The following THSD7B variants were observed in gnomAD, a reference collection of about 807,000 sequenced individuals.
THSD7B encodes the protein thrombospondin type-1 domain-containing protein 7B.
A neutral mutation model predicts 213.6 loss-of-function variants in THSD7B; 138 were observed. That is an observed-to-expected ratio of 0.65 (90% CI 0.56 to 0.74). The LOEUF (loss-of-function observed/expected upper bound fraction) is 0.74. Among genes scored for constraint, THSD7B ranks in the 30% least tolerant of loss-of-function variants. The pLI is 0.00. For synonymous variants in THSD7B, 742 were observed against 687.0 expected, an observed-to-expected ratio of 1.08 and a Z score of -1.25; for missense variants, 1,931 against 1,991.5, an observed-to-expected ratio of 0.97 and a Z score of 0.58.
At chr2:137,030,971 T>G (rs1437937605) in intron 2 of THSD7B, among the ~76,000 whole-genome samples, 1 of 152,250 alleles carries the variant, frequency 6.6e-6, no homozygotes, top group Admixed American at 6.5e-5. Context: ...CACTAGGTTG[T>G]AGTTCTTGTC....
At chr2:136,932,867 A>G (rs2105049854) in intron 2 of THSD7B, among the ~76,000 whole-genome samples, 1 of 152,266 alleles carries the variant, frequency 6.6e-6, no homozygotes, top group African/African-American at 2.4e-5. Context: ...GTAAGGAAGG[A>G]TGAAAGGGGC....
chr2:136,933,754 TAA>T (rs1482134458), intron 2 of THSD7B, among the ~76,000 whole-genome samples: 2 of 152,194 alleles, frequency 1.3e-5, no homozygotes, highest in African/African-American at 4.8e-5. Flanking sequence ...TCACAGATGT[TAA>T]GTCTACTATA....
chr2:136,786,851 T>A (rs1166543660), intron 1 of THSD7B, among the ~76,000 whole-genome samples: 3 of 152,216 alleles, frequency 2.0e-5, no homozygotes, highest in Non-Finnish European at 4.4e-5. Context: ...TAGCACCATT[T>A]AAAATACAGA....
At chr2:136,928,975 C>A (rs1282938980) in intron 2 of THSD7B, among the ~76,000 whole-genome samples, 1 of 151,866 alleles carries the variant, frequency 6.6e-6, no homozygotes, top group African/African-American at 2.4e-5. Context: ...ACTAGAGAAA[C>A]AGAAATGAAA....
At chr2:136,897,212 T>C (rs1683975265) in intron 2 of THSD7B, among the ~76,000 whole-genome samples, 1 of 152,186 alleles carries the variant, frequency 6.6e-6, no homozygotes, top group Non-Finnish European at 1.5e-5. Flanking sequence ...CCGTAACTGG[T>C]TCCTTCCGGT....
intron 15 of THSD7B, among the ~76,000 whole-genome samples, chr2:137,537,927 C>T (rs1166206894): frequency 6.6e-6 from 1 of 151,664 alleles, no homozygotes. Context: ...AGTAATTAAA[C>T]TATCACTCAC....
At chr2:137,281,682 C>T (rs531369551) in intron 12 of THSD7B, among the ~76,000 whole-genome samples, 36 of 151,622 alleles carry the variant, frequency 2.4e-4, no homozygotes, top group African/African-American at 8.0e-4. Flanking sequence ...AGATAGTTTG[C>T]TGAGAATGAT....
chr2:137,284,981 T>C (rs1683133984), intron 12 of THSD7B, among the ~76,000 whole-genome samples: 1 of 152,106 alleles, frequency 6.6e-6, no homozygotes, highest in Non-Finnish European at 1.5e-5. Context: ...CGTTGATCTG[T>C]CTAATGTTGA....
chr2:137,139,479 G>A (rs551579398), intron 5 of THSD7B, among the ~76,000 whole-genome samples: 2 of 152,282 alleles, frequency 1.3e-5, no homozygotes, highest in South Asian at 4.1e-4. Flanking sequence ...TGCTTCGGTG[G>A]AACCCCGAGG....
At chr2:137,591,377 T>G (rs1318041586) in intron 17 of THSD7B, among the ~76,000 whole-genome samples, 1 of 151,962 alleles carries the variant, frequency 6.6e-6, no homozygotes, top group African/African-American at 2.4e-5. Context: ...TCACATGTAG[T>G]ATTCTCATTT....
At chr2:136,920,314 G>A (rs972466093) in intron 2 of THSD7B, among the ~76,000 whole-genome samples, 1 of 152,182 alleles carries the variant, frequency 6.6e-6, no homozygotes, top group Non-Finnish European at 1.5e-5. Flanking sequence ...TGAGTGTCCA[G>A]CTCTCAGCAG....
At chr2:137,115,659 G>T (rs1688436535) in intron 5 of THSD7B, among the ~76,000 whole-genome samples, 1 of 152,082 alleles carries the variant, frequency 6.6e-6, no homozygotes, top group South Asian at 2.1e-4. Context: ...ATTTTTATGT[G>T]TGTGAATTTT....
intron 2 of THSD7B, among the ~76,000 whole-genome samples, chr2:137,009,866 A>G (rs1203564710): frequency 6.6e-6 from 1 of 152,260 alleles, no homozygotes; most frequent in Admixed American, 6.5e-5. Context: ...CAATGTTCCC[A>G]GAGGGAAGAG....
At chr2:136,961,395 A>T (rs188643211) in intron 2 of THSD7B, among the ~76,000 whole-genome samples, 24 of 151,264 alleles carry the variant, frequency 1.6e-4, no homozygotes, top group Admixed American at 1.3e-3. Flanking sequence ...AATTTTTTGT[A>T]TTTCTTAGTA....
intron 15 of THSD7B, among the ~76,000 whole-genome samples, chr2:137,499,177 A>T (rs1679644937): frequency 6.6e-6 from 1 of 152,194 alleles, no homozygotes; most frequent in African/African-American, 2.4e-5. Flanking sequence ...AATCTCAATT[A>T]TTGGTGAAAT....
intron 1 of THSD7B, among the ~76,000 whole-genome samples, chr2:136,789,330 T>A (rs1234663376): frequency 1.3e-5 from 2 of 152,026 alleles, no homozygotes; most frequent in East Asian, 3.9e-4. Flanking sequence ...TATTTTTTTA[T>A]TTTTAATTTT....
At chr2:137,410,262 GA>G (rs1310830493) in intron 13 of THSD7B, among the ~76,000 whole-genome samples, 2 of 151,618 alleles carry the variant, frequency 1.3e-5, no homozygotes, top group Admixed American at 1.3e-4. Context: ...AGGTCCTGCA[GA>G]AATTCTTTTT....
intron 21 of THSD7B, among the ~76,000 whole-genome samples, chr2:137,643,034 G>A (rs891309040): frequency 2.6e-5 from 4 of 152,148 alleles, no homozygotes; most frequent in African/African-American, 9.7e-5. Flanking sequence ...AACACTTTTA[G>A]GGTTAGACAA....
At chr2:137,036,858 T>G (rs570771289) in intron 2 of THSD7B, among the ~76,000 whole-genome samples, 2 of 152,210 alleles carry the variant, frequency 1.3e-5, no homozygotes, top group Non-Finnish European at 2.9e-5. Context: ...TGTCCACTTA[T>G]GTCTCATTTT....
Sources: allele counts gnomAD v4.1 joint callset (sites outside exome capture counted in the v4.1 genomes callset), GRCh38; gene constraint gnomAD v4.1.1; transcripts MANE v1.5; gene names NCBI Gene and HGNC (gene_info 2026-07-23, HGNC 2026-07-21).